The following NFIB variants were observed in gnomAD, a reference collection of about 807,000 sequenced individuals.
The protein encoded by NFIB is nuclear factor 1 B-type.
Under a neutral mutation model 61.5 loss-of-function variants are expected in NFIB, and 11 were observed. That is an observed-to-expected ratio of 0.18 (90% CI 0.11 to 0.30). The LOEUF (loss-of-function observed/expected upper bound fraction) is 0.30. NFIB is among the 10% of genes least tolerant of loss of function. The pLI is 1.00. For missense variants in NFIB, 471 were observed against 608.9 expected, an observed-to-expected ratio of 0.77 and a Z score of 2.38; for synonymous variants, 260 against 216.5, an observed-to-expected ratio of 1.20 and a Z score of -1.76.
chr9:14,409,061 A>G, the NFIB span, among the ~76,000 whole-genome samples: 15 of 152,148 alleles, frequency 9.9e-5, no homozygotes, highest in African/African-American at 2.4e-5. Flanking sequence ...TACATGTTTA[A>G]AAACTGGTTC....
At chr9:14,429,771 C>T in the NFIB span, among the ~76,000 whole-genome samples, 1 of 152,224 alleles carries the variant, frequency 6.6e-6, no homozygotes, top group African/African-American at 2.4e-5. Flanking sequence ...ATGGGGCCTG[C>T]AGCAACAACC....
the NFIB span, among the ~76,000 whole-genome samples, chr9:14,458,555 T>C: frequency 6.6e-6 from 1 of 152,258 alleles, no homozygotes; most frequent in East Asian, 1.9e-4. Context: ...GGCATTCAAT[T>C]AGGAAAAGAG....
At chr9:14,498,481 A>T in the NFIB span, among the ~76,000 whole-genome samples, 1 of 152,232 alleles carries the variant, frequency 6.6e-6, no homozygotes, top group African/African-American at 2.4e-5. Context: ...AAGTGGATAT[A>T]ACTCTTCTTT....
chr9:14,448,605 G>C, the NFIB span, among the ~76,000 whole-genome samples: 2 of 152,156 alleles, frequency 1.3e-5, no homozygotes, highest in African/African-American at 4.8e-5. Flanking sequence ...CAAAGGGAAA[G>C]CCAAAGCTAA....
At chr9:14,169,678 G>A (rs528906201) in intron 3 of NFIB, among the ~76,000 whole-genome samples, 11 of 152,152 alleles carry the variant, frequency 7.2e-5, no homozygotes, top group Admixed American at 2.0e-4. Flanking sequence ...AAAATTAGCC[G>A]GACACGGCCC....
chr9:14,464,239 T>C, the NFIB span, among the ~76,000 whole-genome samples: 2 of 152,334 alleles, frequency 1.3e-5, no homozygotes, highest in South Asian at 2.1e-4. Flanking sequence ...ATCTCATTTA[T>C]GTATGGTAAG....
intron 2 of NFIB, among the ~76,000 whole-genome samples, chr9:14,277,107 T>C (rs1002219209): frequency 6.6e-6 from 1 of 152,212 alleles, no homozygotes; most frequent in African/African-American, 2.4e-5. Context: ...TTACATGTTG[T>C]ATTTTGAGGA....
chr9:14,239,562 A>T (rs1391477000), intron 2 of NFIB, among the ~76,000 whole-genome samples: 1 of 152,190 alleles, frequency 6.6e-6, no homozygotes, highest in Admixed American at 6.5e-5. Flanking sequence ...AGAAAAGATA[A>T]GAAAACAACA....
At chr9:14,408,367 A>G in the NFIB span, among the ~76,000 whole-genome samples, 1 of 152,186 alleles carries the variant, frequency 6.6e-6, no homozygotes, top group African/African-American at 2.4e-5. Context: ...ATCAACTATG[A>G]GTAGTTCTTT....
intron 6 of NFIB, among the ~76,000 whole-genome samples, chr9:14,141,431 A>G (rs905809139): frequency 2.0e-5 from 3 of 152,166 alleles, no homozygotes; most frequent in African/African-American, 4.8e-5. Flanking sequence ...ATGCCAATTT[A>G]TTGATTTTAT....
intron 1 of NFIB, among the ~76,000 whole-genome samples, chr9:14,382,703 A>T (rs948578672): frequency 1.3e-5 from 2 of 152,156 alleles, no homozygotes; most frequent in Non-Finnish European, 2.9e-5. Flanking sequence ...CCCCAAATGC[A>T]ACCAACATGT....
chr9:14,162,485 T>C (rs1006668978), intron 3 of NFIB, among the ~76,000 whole-genome samples: 1 of 152,098 alleles, frequency 6.6e-6, no homozygotes, highest in Non-Finnish European at 1.5e-5. Context: ...TTGAACTGGT[T>C]GGCTCAGTTT....
At chr9:14,188,470 G>C (rs1219625108) in intron 2 of NFIB, among the ~76,000 whole-genome samples, 2 of 152,174 alleles carry the variant, frequency 1.3e-5, no homozygotes, top group East Asian at 3.8e-4. Flanking sequence ...TCTCGCACTA[G>C]AGAGAAATAA....
At chr9:14,135,352 G>C (rs2040924102) in intron 6 of NFIB, among the ~76,000 whole-genome samples, 1 of 152,140 alleles carries the variant, frequency 6.6e-6, no homozygotes, top group Admixed American at 6.5e-5. Context: ...TATTAGTTTA[G>C]GTACTGGATA....
upstream of NFIB, among the ~76,000 whole-genome samples, chr9:14,317,743 A>T (rs1371547308): frequency 6.6e-6 from 1 of 152,140 alleles, no homozygotes; most frequent in Non-Finnish European, 1.5e-5. Flanking sequence ...AACTCTAGGG[A>T]GTTGTTTGGA....
intron 2 of NFIB, among the ~76,000 whole-genome samples, chr9:14,264,041 T>C (rs550975390): frequency 6.6e-6 from 1 of 152,306 alleles, no homozygotes; most frequent in Non-Finnish European, 1.5e-5. Context: ...ATTAGAGTTT[T>C]GTTTTGATTT....
At chr9:14,402,516 T>C (rs1206013969), upstream of NFIB, among the ~76,000 whole-genome samples, 3 of 152,220 alleles carry the variant, frequency 2.0e-5, no homozygotes, top group African/African-American at 7.2e-5. Context: ...ATAGTTTATA[T>C]ATATTTGTAA....
chr9:14,338,309 G>A (rs2060908181), intron 1 of NFIB, among the ~76,000 whole-genome samples: 1 of 152,098 alleles, frequency 6.6e-6, no homozygotes, highest in Non-Finnish European at 1.5e-5. Context: ...CAGGAGAATG[G>A]CGTGAACCCG....
At chr9:14,456,614 C>G in the NFIB span, among the ~76,000 whole-genome samples, 1 of 152,114 alleles carries the variant, frequency 6.6e-6, no homozygotes, top group South Asian at 2.1e-4. Flanking sequence ...AACATGCAGC[C>G]TCACTCATTT....
Sources: allele counts gnomAD v4.1 joint callset (sites outside exome capture counted in the v4.1 genomes callset), GRCh38; gene constraint gnomAD v4.1.1; transcripts MANE v1.5; gene names NCBI Gene and HGNC (gene_info 2026-07-23, HGNC 2026-07-21).